HTR4: variants seen among roughly 807,000 people sequenced by gnomAD.
The protein encoded by HTR4 is 5-hydroxytryptamine (serotonin) receptor 4, G protein-coupled.
In HTR4, 16 loss-of-function variants were observed where a neutral mutation model predicts 36.8. The ratio of observed to expected loss-of-function variants is 0.43; its 90% CI spans 0.29 to 0.66. The LOEUF (loss-of-function observed/expected upper bound fraction) is 0.66, where lower values mean the gene tolerates loss of function less well. HTR4 is among the 30% of genes least tolerant of loss of function. The pLI is 0.13. For missense variants in HTR4, 438 were observed against 490.9 expected, an observed-to-expected ratio of 0.89 and a Z score of 1.02; for synonymous variants, 189 against 185.1, an observed-to-expected ratio of 1.02 and a Z score of -0.17.
chr5:148,480,052 A>AT (rs536043417), downstream of HTR4, among the ~76,000 whole-genome samples: 1 of 152,140 alleles, frequency 6.6e-6, no homozygotes, highest in East Asian at 1.9e-4. Flanking sequence ...TCCACGTTTG[A>AT]TTTTTTTCAT....
At chr5:148,637,266 C>T (rs1753578490) in intron 1 of HTR4, among the ~76,000 whole-genome samples, 1 of 152,146 alleles carries the variant, frequency 6.6e-6, no homozygotes, top group Non-Finnish European at 1.5e-5. Flanking sequence ...TTACACCCTA[C>T]TGATCGCTTT....
At position 148,576,123 on chromosome 5, in the gene HTR4, A is replaced by AAAACAAAC. The variant is rs1416011594; in HGVS notation, c.27-25862_27-25861insGTTTGTTT. Among the ~76,000 whole-genome samples, 20 of 145,858 alleles carry AAAACAAAC rather than the reference A, an allele frequency of 1.4e-4. 1 individual carries two copies. Among genetic ancestry groups the AAAACAAAC allele is most frequent in the Non-Finnish European group, 2.3e-4 (15 of 65,670 alleles). On this transcript the variant is annotated intron_variant, in intron 2 of 6. Coordinates refer to ENST00000377888, the MANE Select transcript of HTR4 (RefSeq NM_000870.7). Reference sequence around the variant, plus strand: ...GAGACTCCGTCTCAAAAAAAAAAAAAAAAAAAAAAACAAAATCAATGTAAA... The same window carrying AAAACAAAC: ...GAGACTCCGTCTCAAAAAAAAAAAAAAAACAAACAAAAAAAAAACAAAATCAATGTAAA...
chr5:148,494,463 A>G (rs1428676822), intron 6 of HTR4, among the ~76,000 whole-genome samples: 2 of 152,156 alleles, frequency 1.3e-5, no homozygotes, highest in Non-Finnish European at 2.9e-5. Flanking sequence ...CCTCTCACTC[A>G]TTCTCTTTGC....
chr5:148,607,898 T>C (rs1416547412), intron 2 of HTR4, among the ~76,000 whole-genome samples: 1 of 152,120 alleles, frequency 6.6e-6, no homozygotes, highest in Non-Finnish European at 1.5e-5. Context: ...TGAAAGTTAT[T>C]TATTTATACT....
chr5:148,611,712 A>G (rs894103678), intron 2 of HTR4, among the ~76,000 whole-genome samples: 13 of 151,924 alleles, frequency 8.6e-5, no homozygotes, highest in Non-Finnish European at 1.8e-4. Context: ...TAAATGCTCC[A>G]ATTAAAAGAC....
intron 2 of HTR4, among the ~76,000 whole-genome samples, chr5:148,563,013 A>G (rs1207104445): frequency 6.6e-6 from 1 of 152,196 alleles, no homozygotes; most frequent in Non-Finnish European, 1.5e-5. Context: ...GAGCTTTGAA[A>G]AATATTGAGA....
chr5:148,640,144 G>T (rs1753679154), intron 1 of HTR4, among the ~76,000 whole-genome samples: 1 of 152,184 alleles, frequency 6.6e-6, no homozygotes, highest in Admixed American at 6.5e-5. Context: ...TCGAGCTTTA[G>T]CTTACATCAT....
chr5:148,523,789 C>T (rs2113798302), intron 4 of HTR4, among the ~76,000 whole-genome samples: 1 of 152,304 alleles, frequency 6.6e-6, no homozygotes, highest in South Asian at 2.1e-4. Flanking sequence ...ATTTCTGGCA[C>T]TGTTCCAACA....
intron 2 of HTR4, among the ~76,000 whole-genome samples, chr5:148,553,403 A>T (rs1417936335): frequency 6.6e-6 from 1 of 152,168 alleles, no homozygotes; most frequent in African/African-American, 2.4e-5. Context: ...TTACCTGAGG[A>T]GCCTTAAAAA....
chr5:148,496,109 T>G (rs1368284543), intron 6 of HTR4, among the ~76,000 whole-genome samples: 1 of 152,094 alleles, frequency 6.6e-6, no homozygotes. Flanking sequence ...CAAAAAAAAT[T>G]TTATAAGAAC....
intron 5 of HTR4, among the ~76,000 whole-genome samples, chr5:148,514,173 T>C (rs1303618272): frequency 6.6e-6 from 1 of 152,170 alleles, no homozygotes; most frequent in Non-Finnish European, 1.5e-5. Flanking sequence ...GACACCTTGT[T>C]TCACTCCCAG....
intron 2 of HTR4, among the ~76,000 whole-genome samples, chr5:148,584,682 C>T (rs1561634203): frequency 1.3e-5 from 2 of 152,146 alleles, no homozygotes; most frequent in Non-Finnish European, 2.9e-5. Flanking sequence ...CATCAAGCTA[C>T]TCTCTTTTTC....
intron 6 of HTR4, among the ~76,000 whole-genome samples, chr5:148,498,911 G>A (rs1561579422): frequency 6.6e-6 from 1 of 152,092 alleles, no homozygotes; most frequent in Non-Finnish European, 1.5e-5. Context: ...ATTTGAAGAA[G>A]GAATGTTTTC....
intron 2 of HTR4, among the ~76,000 whole-genome samples, chr5:148,595,714 A>G (rs2127262899): frequency 6.6e-6 from 1 of 152,342 alleles, no homozygotes; most frequent in Non-Finnish European, 1.5e-5. Context: ...GATTCCAAAT[A>G]TAATGAATAA....
chr5:148,490,813 A>G (rs1756382763), intron 6 of HTR4: 1 of 775,030 alleles, frequency 1.3e-6, no homozygotes, highest in South Asian at 1.4e-5. Flanking sequence ...CACATTATGC[A>G]GAAGAAGTCG....
chr5:148,627,338 G>A (rs35435498), intron 2 of HTR4, among the ~76,000 whole-genome samples: 32,847 of 152,012 alleles, frequency 0.22, 4,255 homozygotes, highest in East Asian at 0.39. Flanking sequence ...TAAGAAGTTT[G>A]TCGATTTTTT....
At chr5:148,590,945 GGT>G (rs1761539677) in intron 2 of HTR4, among the ~76,000 whole-genome samples, 1 of 151,942 alleles carries the variant, frequency 6.6e-6, no homozygotes, top group African/African-American at 2.4e-5. Context: ...TGGCTTCCAG[GGT>G]TTTTACAGTT....
chr5:148,570,110 G>C (rs1405344152), intron 2 of HTR4, among the ~76,000 whole-genome samples: 1 of 152,060 alleles, frequency 6.6e-6, no homozygotes, highest in Non-Finnish European at 1.5e-5. Context: ...AGCTGGGTGT[G>C]AGCCCAGCTC....
At chr5:148,545,429 C>T (rs574619019) in intron 4 of HTR4, among the ~76,000 whole-genome samples, 1 of 152,348 alleles carries the variant, frequency 6.6e-6, no homozygotes, top group African/African-American at 2.4e-5. Flanking sequence ...TCTATGAGGG[C>T]AGGGATCTTG....
Sources: allele counts gnomAD v4.1 joint callset (sites outside exome capture counted in the v4.1 genomes callset), GRCh38; gene constraint gnomAD v4.1.1; transcripts MANE v1.5; gene names NCBI Gene and HGNC (gene_info 2026-07-23, HGNC 2026-07-21).